TCAF1: variants seen among roughly 807,000 people sequenced by gnomAD.
The protein encoded by TCAF1 is TRPM8 channel-associated factor 1.
A neutral mutation model predicts 27.3 loss-of-function variants in TCAF1; 4 were observed. The observed-to-expected ratio is 0.15, with a 90% CI of 0.07 to 0.34. The LOEUF is 0.34. TCAF1 is among the 10% of genes least tolerant of loss of function. TCAF1 has a pLI of 1.00. For synonymous variants in TCAF1, 105 were observed against 167.1 expected (o/e 0.63, Z 2.87); for missense variants, 257 against 425.8 (o/e 0.60, Z 3.49).
Position 143,876,626 on chromosome 7 carries a change from C to A in TCAF1, c.-14-4G>T. The A allele has an allele frequency of 6.7e-7, 1 of 1,482,592 alleles. No homozygotes were observed. Among genetic ancestry groups the A allele is most frequent in the Non-Finnish European group, 9.0e-7 (1 of 1,116,616 alleles). The allele number at this position is 1,482,592 out of a possible 1,614,324, so 91.8% of individuals were successfully genotyped here. On this transcript the variant is annotated splice_region_variant and splice_polypyrimidine_tract_variant and intron_variant, in intron 1 of 8. Coordinates refer to ENST00000479870, the MANE Select transcript of TCAF1 (RefSeq NM_014719.3). ...GTCGCCATGGCTCTATTGGTTTCTG[C>A]AGAGAAGAAAGCAAAGGCTCAGCTT... is the stretch of plus-strand genomic sequence containing the variant.
intron 1 of TCAF1, among the ~76,000 whole-genome samples, chr7:143,890,521 T>C (rs1813595564): frequency 6.6e-6 from 1 of 152,036 alleles, no homozygotes. Context: ...TTGGAAACAA[T>C]AATAAAAGCT....
Position 143,851,530 on chromosome 7 carries a change from C to A in TCAF1, c.*2603G>T, listed in dbSNP as rs569360120. The A allele has an allele frequency of 3.3e-5, 5 of 152,400 alleles. No individual in the cohort carries two copies. Among genetic ancestry groups the A allele is most frequent in the Admixed American group, 2.6e-4 (4 of 15,304 alleles). 9.4% of individuals were successfully genotyped at this position (152,400 alleles called of 1,614,324 possible). A position where few individuals can be genotyped will look rare whatever the true frequency, so the allele number is the denominator to read the frequency against. On this transcript the variant is annotated 3_prime_UTR_variant, in exon 9 of 9. Coordinates refer to ENST00000479870, the MANE Select transcript of TCAF1 (RefSeq NM_014719.3). Reference sequence around the variant, plus strand: ...CATTCCCTAGAGGTAATGCTTTTAACAATATTTATTTTAGATCGTCTGGTA... The same window carrying A: ...CATTCCCTAGAGGTAATGCTTTTAAAAATATTTATTTTAGATCGTCTGGTA...
At chr7:143,878,280 CAT>C (rs1296889747) in intron 1 of TCAF1, among the ~76,000 whole-genome samples, 1 of 152,146 alleles carries the variant, frequency 6.6e-6, no homozygotes. Flanking sequence ...TTTAACCTAA[CAT>C]AGATTTTACA....
At chr7:143,894,665 C>CA (rs1465465170) in intron 1 of TCAF1, among the ~76,000 whole-genome samples, 1 of 151,550 alleles carries the variant, frequency 6.6e-6, no homozygotes, top group Non-Finnish European at 1.5e-5. Flanking sequence ...CTCGTCAATA[C>CA]AACTCAAGTC....
At chr7:143,880,575 C>T (rs996232446) in intron 1 of TCAF1, among the ~76,000 whole-genome samples, 12 of 152,078 alleles carry the variant, frequency 7.9e-5, no homozygotes, top group African/African-American at 2.4e-4. Context: ...GAAACAACAC[C>T]GAGTTAATAC....
At chr7:143,884,625 A>T (rs1813293584) in intron 1 of TCAF1, among the ~76,000 whole-genome samples, 1 of 152,048 alleles carries the variant, frequency 6.6e-6, no homozygotes, top group Non-Finnish European at 1.5e-5. Context: ...ACCTAAAAAT[A>T]AACATTAATA....
At chr7:143,893,930 A>T (rs975095566) in intron 1 of TCAF1, among the ~76,000 whole-genome samples, 1 of 151,850 alleles carries the variant, frequency 6.6e-6, no homozygotes, top group African/African-American at 2.4e-5. Context: ...ATCAAATTTT[A>T]AAAAATTTAG....
intron 1 of TCAF1, among the ~76,000 whole-genome samples, chr7:143,881,585 T>C (rs992423006): frequency 9.2e-5 from 14 of 152,170 alleles, no homozygotes; most frequent in Non-Finnish European, 2.1e-4. Context: ...TGGAGGGATA[T>C]AGATGGTAAT....
rs1201131608 is a variant in TCAF1, at chr7:143,851,610, T to A, written c.*2523A>T. 1 of 152,272 alleles carries A rather than the reference T, an allele frequency of 6.6e-6. No homozygotes were observed. The highest frequency in any genetic ancestry group is 1.5e-5 in the Non-Finnish European group (1 of 68,052). The allele number at this position is 152,272 out of a possible 1,614,324, so 9.4% of individuals were successfully genotyped here. Reference sequence around the variant, plus strand: ...CAATAATTTCTTGACTTACTGACTTTACAACATCTTTAATAATTCCCCATT... The same window carrying A: ...CAATAATTTCTTGACTTACTGACTTAACAACATCTTTAATAATTCCCCATT... On this transcript the variant is annotated 3_prime_UTR_variant, in exon 9 of 9. Transcript: ENST00000479870.
intron 1 of TCAF1, chr7:143,884,915 TAA>T (rs1813314024): frequency 2.5e-6 from 2 of 801,956 alleles, no homozygotes; most frequent in Non-Finnish European, 3.0e-6. Context: ...ATGAAAGAAA[TAA>T]GAGACTGGTA....
intron 1 of TCAF1, among the ~76,000 whole-genome samples, chr7:143,899,689 GAGAA>G (rs1814033245): frequency 3.3e-5 from 5 of 152,258 alleles, no homozygotes; most frequent in Admixed American, 2.0e-4. Context: ...AAGACATAGA[GAGAA>G]AGAAAACCTC....
rs1428307590 is a variant in TCAF1 at position 143,859,974 on chromosome 7, ATATATAT to A, written c.2167+227_2167+233del. ...TATATTACGGAATATATATTATATA[ATATATAT>A]TATATAATATATATTATATAATATA... is the stretch of plus-strand genomic sequence containing the variant. On this transcript the variant is annotated intron_variant, in intron 6 of 8. Coordinates refer to ENST00000479870, the MANE Select transcript of TCAF1 (RefSeq NM_014719.3). Among the ~76,000 whole-genome samples the A allele has an allele frequency of 6.0e-3, 60 of 10,044 alleles. 7 individuals are homozygous for A. Among genetic ancestry groups the A allele is most frequent in the Non-Finnish European group, 0.016 (52 of 3,208 alleles). The allele number at this position is 10,044 out of a possible 152,430, so 6.6% of individuals were successfully genotyped here.
At chr7:143,875,581 A>T (rs553309762) in intron 2 of TCAF1, among the ~76,000 whole-genome samples, 1 of 152,308 alleles carries the variant, frequency 6.6e-6, no homozygotes, top group African/African-American at 2.4e-5. Context: ...TAGACATTTC[A>T]AAACCTTCCC....
At chr7:143,896,173 TAA>T (rs1278444173) in intron 1 of TCAF1, among the ~76,000 whole-genome samples, 3 of 151,726 alleles carry the variant, frequency 2.0e-5, no homozygotes, top group East Asian at 3.9e-4. Context: ...AGTCAAACGA[TAA>T]AAGAGAGATA....
chr7:143,882,348 C>T (rs940152145), intron 1 of TCAF1: 4 of 975,704 alleles, frequency 4.1e-6, no homozygotes, highest in Middle Eastern at 5.2e-4. Context: ...ACCAGCTACC[C>T]GCGACCCTGC....
intron 1 of TCAF1, chr7:143,882,513 C>T (rs1056543027): frequency 2.0e-6 from 2 of 985,188 alleles, no homozygotes; most frequent in Non-Finnish European, 1.2e-6. Context: ...GGATGCGGGA[C>T]CCAAGCGCAG....
intron 1 of TCAF1, 51 bp from the exon 2 acceptor site, chr7:143,876,673 G>T (rs1326525533): frequency 3.6e-6 from 5 of 1,391,532 alleles, no homozygotes; most frequent in East Asian, 2.4e-5. Flanking sequence ...GATAAACAAA[G>T]AAACAAATAG....
In TCAF1 at chr7:143,851,507, T is replaced by C. The variant is rs1811282578; in HGVS notation, c.*2626A>G. The C allele has an allele frequency of 1.3e-5, 2 of 152,278 alleles. No homozygotes were observed. The highest frequency in any genetic ancestry group is 2.4e-5 in the African/African-American group (1 of 41,460). The allele number at this position is 152,278 out of a possible 1,614,324, so 9.4% of individuals were successfully genotyped here. A position where few individuals can be genotyped will look rare whatever the true frequency, so the allele number is the denominator to read the frequency against. ...CCACCCTTTTTAAATCTAAATCCCATTCCCTAGAGGTAATGCTTTTAACAA... is the reference window on the plus strand; with the variant it reads ...CCACCCTTTTTAAATCTAAATCCCACTCCCTAGAGGTAATGCTTTTAACAA... On this transcript the variant is annotated 3_prime_UTR_variant, in exon 9 of 9. Coordinates refer to ENST00000479870, the MANE Select transcript of TCAF1 (RefSeq NM_014719.3).
intron 1 of TCAF1, among the ~76,000 whole-genome samples, chr7:143,888,503 C>T (rs186881153): frequency 6.6e-6 from 1 of 152,296 alleles, no homozygotes; most frequent in African/African-American, 2.4e-5. Context: ...GAAATCAATG[C>T]AATTTGCTTG....
Sources: gnomAD v4.1 joint callset for allele counts (sites outside exome capture counted in the v4.1 genomes callset) on GRCh38, gnomAD v4.1.1 for gene constraint, MANE v1.5 for transcripts, NCBI Gene and HGNC (gene_info 2026-07-23, HGNC 2026-07-21) for gene names.